ENGASE: variants seen among roughly 807,000 people sequenced by gnomAD.
The protein encoded by ENGASE is endo-beta-N-acetylglucosaminidase.
A neutral mutation model predicts 78.5 loss-of-function variants in ENGASE; 69 were observed. The observed-to-expected ratio is 0.88, with a 90% confidence interval of 0.72 to 1.07. The LOEUF (loss-of-function observed/expected upper bound fraction) is 1.07, where lower values mean the gene tolerates loss of function less well. Ranked by LOEUF, ENGASE falls within the 50% of genes least tolerant of loss-of-function variation. The pLI is 0.00. For synonymous variants in ENGASE, 408 were observed against 408.9 expected, an observed-to-expected ratio of 1.00 and a Z score of 0.03; for missense variants, 943 against 988.4, an observed-to-expected ratio of 0.95 and a Z score of 0.62.
chr17:79,075,009 G>A lies in ENGASE; in HGVS notation c.65G>A (p.Gly22Glu), dbSNP rs1385926597. Residue 22 changes from glycine (G) to glutamate (E), a missense_variant, in exon 1 of 14, where the codon GGG becomes GAG. Coordinates refer to ENST00000579016, the MANE Select transcript of ENGASE (RefSeq NM_001042573.3). ...CGGCGGCGGCGGCGGCAGCTGCAGG[G>A]GCTGGCGGCCCCGGAGGCGGGGACG... ...ATRRRRRQLQ[G>E]LAAPEAGTQE... The A allele has an allele frequency of 1.6e-6, 2 of 1,218,440 alleles. No individual in the cohort carries two copies. The highest frequency in any genetic ancestry group is 1.0e-6 in the Non-Finnish European group (1 of 978,116). The allele number at this position is 1,218,440 out of a possible 1,614,324, so 75.5% of individuals were successfully genotyped here. A position where few individuals can be genotyped will look rare whatever the true frequency, so the allele number is the denominator to read the frequency against.
chr17:79,082,347 C>T, intron 7 of ENGASE: 1 of 1,317,360 alleles, frequency 7.6e-7, no homozygotes. Context: ...CCTCGGCGGG[C>T]CTGGGCCTCC....
At position 79,082,398 on chromosome 17, in the gene ENGASE, C is replaced by T. The variant is rs562023234; in HGVS notation, c.1038+335C>T. 17 of 1,248,120 alleles carry T rather than the reference C, an allele frequency of 1.4e-5. No homozygotes were observed. In the African/African-American group the frequency reaches 2.6e-4, roughly 19 times the overall value. 77.3% of individuals were successfully genotyped at this position (1,248,120 alleles called of 1,614,324 possible). On this transcript the variant is annotated intron_variant, in intron 7 of 13. Coordinates refer to ENST00000579016, the MANE Select transcript of ENGASE (RefSeq NM_001042573.3). Reference sequence around the variant, plus strand: ...CCTTGATCTTCCCCGTGAGGGAAGCCTGCGGGGACGCACAGGGGCCTGCAG... The same window carrying T: ...CCTTGATCTTCCCCGTGAGGGAAGCTTGCGGGGACGCACAGGGGCCTGCAG...
rs56353542 is a variant in ENGASE at position 79,077,859 on chromosome 17, T to C, written c.411T>C (p.Asp137=). Reference sequence around the variant, plus strand: ...ATGACATGATGGGCGGGTACCTGGATGACAGGTGAGGACCTGGCCTTACAT... The same window carrying C: ...ATGACATGATGGGCGGGTACCTGGACGACAGGTGAGGACCTGGCCTTACAT... ...LCHDMMGGYL[D]DRFIQGSVVQ... The change falls in exon 3 of 14, where the codon GAT becomes GAC. Residue 137 remains aspartate, a synonymous_variant. Coordinates refer to ENST00000579016, the MANE Select transcript of ENGASE (RefSeq NM_001042573.3). The C allele has an allele frequency of 0.07, 113,315 of 1,612,282 alleles. 4,665 individuals are homozygous for C. The highest frequency in any genetic ancestry group is 0.08 in the Non-Finnish European group (94,000 of 1,179,386).
chr17:79,080,128 C>G, intron 4 of ENGASE, 79 bp from the exon 5 acceptor site: 1 of 1,492,674 alleles, frequency 6.7e-7, no homozygotes, highest in Non-Finnish European at 9.0e-7. Context: ...GCTGCTGGTT[C>G]GAGAACCTCG....
chr17:79,078,295 G>A (rs929301906), intron 3 of ENGASE, among the ~76,000 whole-genome samples: 3 of 152,130 alleles, frequency 2.0e-5, no homozygotes, highest in African/African-American at 7.2e-5. Flanking sequence ...AGCCAAGATT[G>A]CACTACTGCA....
chr17:79,082,092 G>A, intron 7 of ENGASE, 29 bp downstream of exon 7: 2 of 1,614,106 alleles, frequency 1.2e-6, no homozygotes, highest in Non-Finnish European at 1.7e-6. Context: ...CCAAGGGCCA[G>A]CGGCCCAGTG....
Position 79,083,586 on chromosome 17 carries a change from G to T in ENGASE, c.1247G>T (p.Gly416Val), listed in dbSNP as rs183970672. The change falls in exon 9 of 14, where the codon GGC (glycine) becomes GTC (valine). Residue 416 changes from glycine (G) to valine (V), a missense_variant. Gly to Val is a moderately radical substitution (Grantham distance 109). Coordinates refer to ENST00000579016, the MANE Select transcript of ENGASE (RefSeq NM_001042573.3). This position sits in a 1 kb window ranked among gnomAD's most constrained non-coding sequence, Gnocchi z 4.9. ...LGMGARRVCYGQEEAVGPWYH... is the reference protein window; with the variant it reads ...LGMGARRVCYVQEEAVGPWYH... Reference sequence around the variant, plus strand: ...ATGGGTGCACGGAGGGTCTGCTATGGCCAGGTGGGTGGGTGTCTTCCCTCC... The same window carrying T: ...ATGGGTGCACGGAGGGTCTGCTATGTCCAGGTGGGTGGGTGTCTTCCCTCC... 13 of 1,613,556 alleles carry T rather than the reference G, an allele frequency of 8.1e-6. No homozygotes were observed. In the East Asian group the frequency reaches 2.9e-4, roughly 36 times the overall value.
intron 11 of ENGASE, 129 bp downstream of exon 11, chr17:79,084,815 G>A (rs770810700): frequency 6.2e-5 from 64 of 1,038,838 alleles, no homozygotes; most frequent in African/African-American, 9.7e-5. Context: ...TGCCTTTGCC[G>A]GAGTCAGGGC....
Position 79,083,640 on chromosome 17 carries a change from A to G in ENGASE, c.1251+50A>G. ...TCTGTCCTCTGGCCTCAGCTGGGAC[A>G]GGTGGGAGGAGCCTGGGACTTGCCA... is the stretch of plus-strand genomic sequence containing the variant. On this transcript the variant is annotated intron_variant, in intron 9 of 13. Coordinates refer to ENST00000579016, the MANE Select transcript of ENGASE (RefSeq NM_001042573.3). The surrounding 1 kb of genome is among the most constrained non-coding windows in gnomAD (Gnocchi z 4.9). The G allele has an allele frequency of 6.3e-7, 1 of 1,583,534 alleles. No homozygotes were observed. Among genetic ancestry groups the G allele is most frequent in the Non-Finnish European group, 8.7e-7 (1 of 1,154,038 alleles).
At chr17:79,085,068 C>T (rs4789982) in intron 11 of ENGASE, among the ~76,000 whole-genome samples, 166 bp from the exon 12 acceptor site, 47,994 of 152,028 alleles carry the variant, frequency 0.32, 8,439 homozygotes, top group African/African-American at 0.47. Flanking sequence ...CACGCATTTC[C>T]TTCACCGAGC....
intron 6 of ENGASE, 66 bp downstream of exon 6, chr17:79,081,139 G>A (rs2073125144): frequency 2.2e-6 from 3 of 1,335,324 alleles, no homozygotes; most frequent in East Asian, 2.9e-5. Flanking sequence ...TGTGAGGGGT[G>A]GGTGCCGCAA....
intron 11 of ENGASE, 106 bp from the exon 12 acceptor site, chr17:79,085,128 C>T (rs981107536): frequency 2.6e-5 from 23 of 876,830 alleles, no homozygotes; most frequent in East Asian, 1.8e-4. Context: ...AGCGTCTGGC[C>T]GAATCAGGCA....
At position 79,086,670 on chromosome 17, in the gene ENGASE, T is replaced by C. The variant is rs1438376701; in HGVS notation, c.*321T>C. On this transcript the variant is annotated 3_prime_UTR_variant, in exon 14 of 14. Transcript: ENST00000579016. ...GAGAAGTTGAGAACAGAACATTCCA[T>C]AAAGGATATTTCCTAATAGGCTGCA... The C allele has an allele frequency of 4.2e-6, 2 of 471,810 alleles. No individual in the cohort carries two copies. Among genetic ancestry groups the C allele is most frequent in the Non-Finnish European group, 7.8e-6 (2 of 255,278 alleles). 29.2% of individuals were successfully genotyped at this position (471,810 alleles called of 1,614,324 possible).
chr17:79,075,180 A>AGGGG, intron 1 of ENGASE, 90 bp downstream of exon 1: 1 of 1,172,384 alleles, frequency 8.5e-7, no homozygotes, highest in Non-Finnish European at 1.1e-6. Flanking sequence ...GGGCGCGCCG[A>AGGGG]GGGGCGGGGG....
chr17:79,086,802 G>C lies in ENGASE; in HGVS notation c.*453G>C. On this transcript the variant is annotated 3_prime_UTR_variant, in exon 14 of 14. Transcript: ENST00000579016. ...TTGGAGCAGGCGCCGAGACATTTCT[G>C]AGCATGAGGACGAGCTACAGCAGCT... The C allele has an allele frequency of 2.6e-6, 1 of 379,304 alleles. No homozygotes were observed. Among genetic ancestry groups the C allele is most frequent in the Non-Finnish European group, 5.3e-6 (1 of 189,708 alleles). 23.5% of individuals were successfully genotyped at this position (379,304 alleles called of 1,614,324 possible). A position where few individuals can be genotyped will look rare whatever the true frequency, so the allele number is the denominator to read the frequency against.
rs896337286 is a variant in ENGASE at position 79,084,622 on chromosome 17, T to C, written c.1527T>C (p.Val509=). The C allele has an allele frequency of 3.7e-6, 6 of 1,612,648 alleles. No homozygotes were observed. The Admixed American group carries it at 6.7e-5, about 18-fold the overall frequency. The stretch of plus-strand genomic sequence containing the variant: ...TTGAGGGGCCCACGGACGTCACAGT[T>C]GCTTTGGAGCTGACCACAGGGGATG... ...YKLEGPTDVT[V]ALELTTGDAG... Residue 509 remains valine (V), a synonymous_variant, in exon 11 of 14, where the codon GTT becomes GTC. Coordinates refer to ENST00000579016, the MANE Select transcript of ENGASE (RefSeq NM_001042573.3).
chr17:79,080,699 T>C (rs1568088836), intron 5 of ENGASE, among the ~76,000 whole-genome samples: 1 of 152,246 alleles, frequency 6.6e-6, no homozygotes, highest in Non-Finnish European at 1.5e-5. Context: ...CACTCTGTCT[T>C]TTCCTGACTT....
intron 12 of ENGASE, 130 bp from the exon 13 acceptor site, chr17:79,085,490 T>G (rs1422423814): frequency 3.3e-5 from 46 of 1,393,508 alleles, no homozygotes; most frequent in Non-Finnish European, 4.2e-5. Context: ...CTGGGAGCCC[T>G]GCTGTCGGCC....
At chr17:79,078,078 A>G (rs993911780) in intron 3 of ENGASE, among the ~76,000 whole-genome samples, 2 of 152,116 alleles carry the variant, frequency 1.3e-5, no homozygotes, top group Non-Finnish European at 2.9e-5. Flanking sequence ...GGTGGCTCAC[A>G]CCTATAATCC....
Sources: allele counts gnomAD v4.1 joint callset (sites outside exome capture counted in the v4.1 genomes callset), GRCh38; gene constraint gnomAD v4.1.1; non-coding constraint Gnocchi (gnomAD v3.1); transcripts MANE v1.5; gene names NCBI Gene and HGNC (gene_info 2026-07-23, HGNC 2026-07-21).